PRR33: variants seen among roughly 807,000 people sequenced by gnomAD.
The protein encoded by PRR33 is proline rich 33.
Under a neutral mutation model 0.5 loss-of-function variants are expected in PRR33, and 1 was observed. The ratio of observed to expected loss-of-function variants is 2.18; its 90% confidence interval spans 0.77 to 10.34. PRR33 has a LOEUF of 10.34. Among genes scored for constraint, PRR33 ranks in the 30% most tolerant of loss-of-function variants. The probability of loss-of-function intolerance (pLI) is 0.13; values close to 1 mark genes in which losing one functional copy is unlikely to be tolerated. For synonymous variants in PRR33, 226 were observed against 110.0 expected, an observed-to-expected ratio of 2.06 and a Z score of -6.60; for missense variants, 552 against 251.8, an observed-to-expected ratio of 2.19 and a Z score of -8.07.
chr11:1,915,198 CTG>C, the PRR33 span, among the ~76,000 whole-genome samples: 3 of 120,582 alleles, frequency 2.5e-5, no homozygotes, highest in Admixed American at 9.0e-5. Flanking sequence ...TGATGTTTCT[CTG>C]TGTGTGTGTG....
the PRR33 span, among the ~76,000 whole-genome samples, chr11:1,914,033 A>G: frequency 0.027 from 4,098 of 152,356 alleles, 178 homozygotes; most frequent in African/African-American, 0.093. Context: ...ACCAGGCAGC[A>G]CAGCAAGATT....
the PRR33 span, among the ~76,000 whole-genome samples, chr11:1,899,790 A>G: frequency 5.3e-5 from 8 of 152,286 alleles, no homozygotes; most frequent in East Asian, 1.5e-3. Context: ...CAATTTTCTA[A>G]TAATCTTTTA....
At chr11:1,903,014 G>C in the PRR33 span, 2 of 152,112 alleles carry the variant, frequency 1.3e-5, no homozygotes, top group African/African-American at 4.8e-5. Context: ...CTTGGTTTTG[G>C]TGCATTTTAG....
chr11:1,889,904 G>A (rs1274629505), exon 1 of PRR33: 1 of 627,280 alleles, frequency 1.6e-6, no homozygotes, highest in East Asian at 2.7e-5. Flanking sequence ...GTGGGCGGAT[G>A]TGAGCCACTG....
the PRR33 span, among the ~76,000 whole-genome samples, chr11:1,913,130 T>C: frequency 6.6e-6 from 1 of 151,396 alleles, no homozygotes; most frequent in African/African-American, 2.4e-5. Context: ...TTTTTTGGTT[T>C]TCCTCCTTTC....
At chr11:1,904,726 C>A in the PRR33 span, among the ~76,000 whole-genome samples, 2,742 of 151,630 alleles carry the variant, frequency 0.018, 38 homozygotes, top group Non-Finnish European at 0.028. Context: ...GCAGGCTAGT[C>A]TCGAACTCCT....
chr11:1,913,954 T>C, the PRR33 span, among the ~76,000 whole-genome samples: 1 of 152,242 alleles, frequency 6.6e-6, no homozygotes, highest in African/African-American at 2.4e-5. Flanking sequence ...CCATGGGTGG[T>C]GACCACCTCT....
exon 1 of PRR33, chr11:1,890,412 G>A (rs1565091968): frequency 2.8e-6 from 2 of 717,084 alleles, no homozygotes; most frequent in African/African-American, 1.7e-5. Context: ...GGCCCTGGGT[G>A]GAGCGAGGTG....
At chr11:1,896,263 T>G (rs973374595), upstream of PRR33, among the ~76,000 whole-genome samples, 1 of 152,228 alleles carries the variant, frequency 6.6e-6, no homozygotes, top group African/African-American at 2.4e-5. Flanking sequence ...CTTAACAGTA[T>G]TGAACTTACT....
chr11:1,889,714 T>G (rs1589835689), exon 1 of PRR33: 2 of 649,830 alleles, frequency 3.1e-6, no homozygotes, highest in Non-Finnish European at 5.7e-6. Context: ...AGGTGCTCTC[T>G]GCCAGGGCCC....
chr11:1,900,386 C>G, the PRR33 span, among the ~76,000 whole-genome samples: 1 of 152,148 alleles, frequency 6.6e-6, no homozygotes, highest in Non-Finnish European at 1.5e-5. Context: ...AATTTTTGTC[C>G]TGCCCAGGTT....
At chr11:1,889,386 A>G (rs1035960400) in exon 1 of PRR33, 1 of 701,276 alleles carries the variant, frequency 1.4e-6, no homozygotes, top group African/African-American at 1.8e-5. Flanking sequence ...GGCATCCCAC[A>G]TCCTGGAGGT....
At chr11:1,900,658 G>T in the PRR33 span, among the ~76,000 whole-genome samples, 3 of 152,180 alleles carry the variant, frequency 2.0e-5, no homozygotes, top group African/African-American at 7.2e-5. Flanking sequence ...AAGGAATTTT[G>T]ATTACTTCTG....
chr11:1,899,972 G>A, the PRR33 span, among the ~76,000 whole-genome samples: 1 of 151,910 alleles, frequency 6.6e-6, no homozygotes, highest in Admixed American at 6.6e-5. Flanking sequence ...GGGTTTGGCA[G>A]ACCAAACATT....
the PRR33 span, among the ~76,000 whole-genome samples, chr11:1,906,377 G>A: frequency 4.0e-3 from 611 of 152,156 alleles, 3 homozygotes; most frequent in Non-Finnish European, 5.7e-3. Context: ...TTAGTTGTTA[G>A]CTTTAACGTC....
chr11:1,915,676 G>A, the PRR33 span, among the ~76,000 whole-genome samples: 1 of 568 alleles, frequency 1.8e-3, no homozygotes, highest in Non-Finnish European at 3.2e-3. Flanking sequence ...TTTTGGGGGG[G>A]TGATGTTTCT....
chr11:1,903,384 A>C, the PRR33 span: 1 of 152,130 alleles, frequency 6.6e-6, no homozygotes, highest in Admixed American at 6.5e-5. Flanking sequence ...GGGCTTAAGC[A>C]ATCTTCCCAC....
upstream of PRR33, among the ~76,000 whole-genome samples, chr11:1,895,426 A>G (rs189331946): frequency 1.2e-3 from 177 of 152,242 alleles, no homozygotes; most frequent in Non-Finnish European, 2.1e-3. Flanking sequence ...AGCCACCGTG[A>G]GAGTTCTTTG....
At chr11:1,913,836 C>T in the PRR33 span, among the ~76,000 whole-genome samples, 11 of 152,254 alleles carry the variant, frequency 7.2e-5, no homozygotes, top group African/African-American at 1.9e-4. Context: ...GCGGTGAGCA[C>T]GAGCTGTGCA....
Sources: gnomAD v4.1 joint callset for allele counts (sites outside exome capture counted in the v4.1 genomes callset) on GRCh38, gnomAD v4.1.1 for gene constraint, MANE v1.5 for transcripts, NCBI Gene and HGNC (gene_info 2026-07-23, HGNC 2026-07-21) for gene names.